Variants in CYFIP1 observed in about 807,000 individuals in gnomAD.
CYFIP1 encodes cytoplasmic FMR1-interacting protein 1.
CYFIP1 carries 58 observed loss-of-function variants against 163.5 expected under a neutral mutation model. The observed-to-expected ratio is 0.35, with a 90% CI of 0.29 to 0.44. The LOEUF (loss-of-function observed/expected upper bound fraction) is 0.44, where lower values mean the gene tolerates loss of function less well. Ranked by LOEUF, CYFIP1 falls within the 20% of genes least tolerant of loss-of-function variation. CYFIP1 has a pLI of 1.00. For synonymous variants in CYFIP1, 663 were observed against 660.7 expected (o/e 1.00, Z -0.05); for missense variants, 1,338 against 1,653.8 (o/e 0.81, Z 3.31).
intron 1 of CYFIP1, among the ~76,000 whole-genome samples, chr15:22,957,903 G>C (rs1567030424): frequency 6.6e-6 from 1 of 152,194 alleles, no homozygotes; most frequent in Non-Finnish European, 1.5e-5. Flanking sequence ...CCCAGGTGTA[G>C]AAAGAATGTG....
chr15:22,883,061 AG>A lies in CYFIP1; in HGVS notation c.2677-51del. On this transcript the variant is annotated intron_variant, in intron 23 of 30. Transcript: ENST00000617928. ...CAGCATGGTCCCCGCACACATGTGC[AG>A]ATGAAGAACTGTGTGAGAAGATCAC... is the stretch of plus-strand genomic sequence containing the variant. 6 of 1,592,476 alleles carry A rather than the reference AG, an allele frequency of 3.8e-6. No homozygotes were observed. The South Asian group carries it at 6.7e-5, about 18-fold the overall frequency.
chr15:22,939,376 G>T, intron 7 of CYFIP1, 35 bp downstream of exon 7: 1 of 1,613,942 alleles, frequency 6.2e-7, no homozygotes, highest in Non-Finnish European at 8.5e-7. Context: ...CGGCTGCTTG[G>T]CCCATCAACC....
At chr15:22,907,017 C>G (rs1166797595) in intron 21 of CYFIP1, among the ~76,000 whole-genome samples, 1 of 152,142 alleles carries the variant, frequency 6.6e-6, no homozygotes, top group Non-Finnish European at 1.5e-5. Context: ...CCAAGAGTAA[C>G]AGCACTGGCT....
At position 22,872,885 on chromosome 15, in the gene CYFIP1, G is replaced by A; in HGVS notation, c.3537C>T (p.Phe1179=). ...GQQRRFAVLD[F]CYHLLKVQKH... ...TCTGGACTTTAAGTAGATGGTAGCA[G>A]AAATCCAGCACAGCAAAACGCCGCT... Residue 1179 remains phenylalanine (F), a synonymous_variant, in exon 30 of 31, where the codon TTC becomes TTT. Coordinates refer to ENST00000617928, the MANE Select transcript of CYFIP1 (RefSeq NM_014608.6). 3 of 1,614,062 alleles carry A rather than the reference G, an allele frequency of 1.9e-6. No homozygotes were observed. Among genetic ancestry groups the A allele is most frequent in the Middle Eastern group, 3.3e-4 (2 of 6,062 alleles).
At chr15:22,934,993 G>C (rs1217896605) in intron 9 of CYFIP1, among the ~76,000 whole-genome samples, 1 of 152,094 alleles carries the variant, frequency 6.6e-6, no homozygotes, top group Non-Finnish European at 1.5e-5. Flanking sequence ...GCCTAGGAAG[G>C]CTTCAAATTT....
chr15:22,947,859 C>G (rs963621690), intron 1 of CYFIP1: 2 of 843,524 alleles, frequency 2.4e-6, no homozygotes, highest in African/African-American at 3.7e-5. Context: ...AAGTGCCACA[C>G]CGCAGCTGGA....
intron 1 of CYFIP1, among the ~76,000 whole-genome samples, chr15:22,980,000 C>T (rs1595754379): frequency 1.3e-5 from 2 of 152,006 alleles, no homozygotes; most frequent in East Asian, 1.9e-4. Context: ...GGGCGGGGAG[C>T]TCGGGGCCGA....
At chr15:22,964,982 T>C (rs1411556755) in intron 1 of CYFIP1, among the ~76,000 whole-genome samples, 1 of 152,220 alleles carries the variant, frequency 6.6e-6, no homozygotes, top group Non-Finnish European at 1.5e-5. Flanking sequence ...TCCAGGTTTA[T>C]CCTTGTCACA....
At chr15:22,881,644 G>C (rs904445189) in intron 25 of CYFIP1, among the ~76,000 whole-genome samples, 1 of 152,136 alleles carries the variant, frequency 6.6e-6, no homozygotes, top group Non-Finnish European at 1.5e-5. Context: ...GGGGTCTCTT[G>C]TCTCAACTCT....
At chr15:22,977,589 G>T (rs1032748003) in intron 1 of CYFIP1, among the ~76,000 whole-genome samples, 2 of 152,172 alleles carry the variant, frequency 1.3e-5, no homozygotes, top group Non-Finnish European at 2.9e-5. Context: ...CCAGCACGTT[G>T]GGAGGCCGAG....
chr15:22,964,337 T>C (rs1456413405), intron 1 of CYFIP1, among the ~76,000 whole-genome samples: 2 of 51,806 alleles, frequency 3.9e-5, no homozygotes. Flanking sequence ...ACCAGCAGAC[T>C]CCGCAACCTC....
At chr15:22,945,984 G>T (rs892204319) in intron 3 of CYFIP1, among the ~76,000 whole-genome samples, 5 of 152,128 alleles carry the variant, frequency 3.3e-5, no homozygotes, top group African/African-American at 1.2e-4. Context: ...ATTAAGGATT[G>T]CTTTCTCTAG....
At chr15:22,875,136 T>G in intron 27 of CYFIP1, 63 bp downstream of exon 27, 1 of 1,478,252 alleles carries the variant, frequency 6.8e-7, no homozygotes, top group Non-Finnish European at 9.5e-7. Context: ...TCCGGTTGCA[T>G]ACAGTGGGCA....
intron 21 of CYFIP1, chr15:22,904,992 C>A (rs1468522704): frequency 6.6e-6 from 1 of 152,166 alleles, no homozygotes; most frequent in African/African-American, 2.4e-5. Flanking sequence ...CCTTTATTCT[C>A]AGAAGATCAA....
Position 22,944,663 on chromosome 15 carries a change from G to C in CYFIP1, c.286-4C>G. ...TAGGCTGCTCGTTACATTTCACCTGGGAATAAAGGAACAAGGATGACATAA... is the reference window on the plus strand; with the variant it reads ...TAGGCTGCTCGTTACATTTCACCTGCGAATAAAGGAACAAGGATGACATAA... On this transcript the variant is annotated splice_polypyrimidine_tract_variant and splice_region_variant and intron_variant, in intron 4 of 30. Coordinates refer to ENST00000617928, the MANE Select transcript of CYFIP1 (RefSeq NM_014608.6). 6.2e-7 allele frequency: 1 copy of C among 1,611,024 alleles called. No homozygotes were observed. Among genetic ancestry groups the C allele is most frequent in the Non-Finnish European group, 8.5e-7 (1 of 1,177,148 alleles).
chr15:22,895,680 T>A (rs372815927), intron 22 of CYFIP1, among the ~76,000 whole-genome samples: 1 of 151,958 alleles, frequency 6.6e-6, no homozygotes. Context: ...CAGCATGGGG[T>A]TAGAGGCCTG....
At chr15:22,954,134 G>A (rs151041278) in intron 1 of CYFIP1, among the ~76,000 whole-genome samples, 1 of 152,274 alleles carries the variant, frequency 6.6e-6, no homozygotes, top group Non-Finnish European at 1.5e-5. Context: ...CAGGTACATT[G>A]ATGTCCACTG....
chr15:22,910,677 T>G (rs755316917), intron 19 of CYFIP1, 49 bp from the exon 20 acceptor site: 10 of 1,606,144 alleles, frequency 6.2e-6, no homozygotes, highest in Non-Finnish European at 8.5e-6. Context: ...TAAATTGTAA[T>G]GGGAATGTCA....
intron 1 of CYFIP1, among the ~76,000 whole-genome samples, chr15:22,957,805 C>G (rs2062530412): frequency 6.6e-6 from 1 of 152,162 alleles, no homozygotes; most frequent in Non-Finnish European, 1.5e-5. Context: ...GTAGAAACTT[C>G]CAATATTTTT....
Sources: allele counts gnomAD v4.1 joint callset (sites outside exome capture counted in the v4.1 genomes callset), GRCh38; gene constraint gnomAD v4.1.1; transcripts MANE v1.5; gene names NCBI Gene and HGNC (gene_info 2026-07-23, HGNC 2026-07-21).